The following MDGA2 variants were observed in gnomAD, a reference collection of about 807,000 sequenced individuals.
MDGA2 encodes MAM domain containing glycosylphosphatidylinositol anchor 2, also known as MAM domain-containing glycosylphosphatidylinositol anchor protein 2.
In MDGA2, 40 loss-of-function variants were observed where a neutral mutation model predicts 117.8. The observed-to-expected ratio is 0.34, with a 90% CI of 0.26 to 0.44. The LOEUF (loss-of-function observed/expected upper bound fraction) is 0.44. MDGA2 is among the 20% of genes least tolerant of loss of function. MDGA2 has a pLI of 1.00. For synonymous variants in MDGA2, 452 were observed against 439.0 expected, an observed-to-expected ratio of 1.03 and a Z score of -0.37; for missense variants, 1,123 against 1,250.6, an observed-to-expected ratio of 0.90 and a Z score of 1.54.
intron 6 of MDGA2, among the ~76,000 whole-genome samples, chr14:47,081,214 A>T (rs1240051489): frequency 6.6e-6 from 1 of 152,142 alleles, no homozygotes; most frequent in Non-Finnish European, 1.5e-5. Context: ...TCAATTAAAA[A>T]AAAAGTTGTA....
intron 1 of MDGA2, among the ~76,000 whole-genome samples, chr14:47,482,500 A>C (rs758019185): frequency 1.6e-4 from 25 of 152,106 alleles, no homozygotes; most frequent in African/African-American, 2.9e-4. Flanking sequence ...CTCATTCAGC[A>C]CAGAGAGCAA....
At chr14:47,074,450 G>A (rs1391811295) in intron 6 of MDGA2, among the ~76,000 whole-genome samples, 1 of 151,968 alleles carries the variant, frequency 6.6e-6, no homozygotes, top group Non-Finnish European at 1.5e-5. Context: ...ACAGGCACCC[G>A]CCACCACGCC....
chr14:47,598,668 G>A (rs924271564), intron 1 of MDGA2, among the ~76,000 whole-genome samples: 1 of 152,042 alleles, frequency 6.6e-6, no homozygotes, highest in Non-Finnish European at 1.5e-5. Flanking sequence ...AAGGCTAGGA[G>A]GAAAAAGGGA....
At chr14:47,167,080 G>T (rs1293809545) in intron 3 of MDGA2, among the ~76,000 whole-genome samples, 1 of 152,060 alleles carries the variant, frequency 6.6e-6, no homozygotes, top group Non-Finnish European at 1.5e-5. Context: ...CCACTGGTAT[G>T]TCTAACCTAG....
At chr14:47,091,039 G>T (rs1879622874) in intron 6 of MDGA2, among the ~76,000 whole-genome samples, 1 of 152,068 alleles carries the variant, frequency 6.6e-6, no homozygotes, top group Non-Finnish European at 1.5e-5. Flanking sequence ...CTTTTGGGAT[G>T]GTTTGTTACA....
At chr14:47,322,626 A>C (rs1890014061) in intron 1 of MDGA2, among the ~76,000 whole-genome samples, 3 of 152,186 alleles carry the variant, frequency 2.0e-5, no homozygotes, top group Admixed American at 2.0e-4. Flanking sequence ...CGCAACCTGC[A>C]CGTAAGTAAC....
chr14:47,550,217 T>C (rs918821911), intron 1 of MDGA2, among the ~76,000 whole-genome samples: 6 of 152,186 alleles, frequency 3.9e-5, no homozygotes, highest in African/African-American at 1.2e-4. Flanking sequence ...TATACTCTAG[T>C]AAAGTTAATT....
intron 7 of MDGA2, among the ~76,000 whole-genome samples, chr14:47,040,363 A>T (rs9323125): frequency 0.9 from 137,166 of 152,138 alleles, 61,875 homozygotes; most frequent in East Asian, 1. Flanking sequence ...TTTTTTACTG[A>T]TTAAACAATA....
At chr14:47,591,059 T>A (rs1302359352) in intron 1 of MDGA2, among the ~76,000 whole-genome samples, 1 of 152,052 alleles carries the variant, frequency 6.6e-6, no homozygotes, top group Non-Finnish European at 1.5e-5. Flanking sequence ...ACCTTTAAAC[T>A]GGCAATGAAT....
intron 1 of MDGA2, among the ~76,000 whole-genome samples, chr14:47,423,175 C>A (rs760269269): frequency 6.6e-6 from 1 of 152,024 alleles, no homozygotes; most frequent in African/African-American, 2.4e-5. Flanking sequence ...TAAATTTTAT[C>A]CCCATTGATA....
rs1244174539 is a variant in MDGA2 at position 46,957,389 on chromosome 14, T to C, written c.2074A>G (p.Ser692Gly). Residue 692 changes from serine to glycine, a missense_variant, in exon 9 of 17, where the codon AGC (serine) becomes GGC (glycine). Physicochemically the swap from Ser to Gly is moderately conservative, Grantham distance 56. Around this residue, in one of 2 missense-constraint regions of MDGA2, gnomAD observed 890 missense variants for 1,050.3 expected, o/e 0.85. Transcript: ENST00000399232. Reference sequence around the variant, plus strand: ...GGAATCCTACCTGTAACAAGAAAGCTGCATCTCCCAGCTCCAGCTTCATTT... The same window carrying C: ...GGAATCCTACCTGTAACAAGAAAGCCGCATCTCCCAGCTCCAGCTTCATTT... ...IINEAGAGRC[S>G]FLVTGKAYAP... 6.2e-7 allele frequency: 1 copy of C among 1,613,374 alleles called. No homozygotes were observed. The highest frequency in any genetic ancestry group is 1.1e-5 in the South Asian group (1 of 90,980).
At chr14:47,296,104 T>C (rs1216311041) in intron 2 of MDGA2, among the ~76,000 whole-genome samples, 3 of 152,100 alleles carry the variant, frequency 2.0e-5, no homozygotes, top group Non-Finnish European at 4.4e-5. Flanking sequence ...ATATTGACCA[T>C]CTTGTTTGTA....
chr14:47,131,800 T>C lies in MDGA2; in HGVS notation c.839A>G (p.Tyr280Cys), dbSNP rs1882219058. 3 of 1,597,540 alleles carry C rather than the reference T, an allele frequency of 1.9e-6. No individual in the cohort carries two copies. Among genetic ancestry groups the C allele is most frequent in the Non-Finnish European group, 2.6e-6 (3 of 1,167,864 alleles). ...LKLKNLRPQD[Y>C]ANYSCIASVR... ...TGAAGCAATGCAGCTATAATTAGCATAGTCCTGAGGTCGAAGATTCTTTAG... is the reference window on the plus strand; with the variant it reads ...TGAAGCAATGCAGCTATAATTAGCACAGTCCTGAGGTCGAAGATTCTTTAG... Residue 280 changes from tyrosine to cysteine, a missense_variant, in exon 5 of 17, where the codon TAT (tyrosine) becomes TGT (cysteine). By Grantham distance (194) the Tyr-to-Cys change is radical (BLOSUM62 -2). Transcript: ENST00000399232.
At chr14:46,881,915 CTGGCTAA>C (rs1850223349) in intron 11 of MDGA2, 122 bp downstream of exon 11, 1 of 502,922 alleles carries the variant, frequency 2.0e-6, no homozygotes, top group African/African-American at 2.0e-5. Context: ...GTTTAGTTAA[CTGGCTAA>C]TGATCCAGAA....
chr14:47,294,103 CTTTT>C (rs35698427), intron 2 of MDGA2, among the ~76,000 whole-genome samples: 18 of 99,138 alleles, frequency 1.8e-4, no homozygotes, highest in Non-Finnish European at 3.1e-4. Flanking sequence ...ATATGGCAAT[CTTTT>C]TTTTTTTTTT....
rs569335823 is a variant in MDGA2 at position 46,840,208 on chromosome 14, T to C, written c.*1723A>G. 92 of 152,630 alleles carry C rather than the reference T, an allele frequency of 6.0e-4. No individual in the cohort carries two copies. The highest frequency in any genetic ancestry group is 2.2e-3 in the African/African-American group (90 of 41,576). The allele number at this position is 152,630 out of a possible 1,614,324, so 9.5% of individuals were successfully genotyped here. On this transcript the variant is annotated 3_prime_UTR_variant, in exon 17 of 17. Coordinates refer to ENST00000399232, the MANE Select transcript of MDGA2 (RefSeq NM_001113498.3). ...TGTTTTAAAAAACAAGCTTTGTCAT[T>C]TTCCACTACATTTTGTTGTGCTTTT...
At chr14:46,934,529 C>G (rs1412698807) in intron 9 of MDGA2, among the ~76,000 whole-genome samples, 1 of 152,074 alleles carries the variant, frequency 6.6e-6, no homozygotes, top group Non-Finnish European at 1.5e-5. Flanking sequence ...CTGACACGTA[C>G]TACTGTCCTT....
chr14:47,406,252 A>T (rs1892258607), intron 1 of MDGA2, among the ~76,000 whole-genome samples: 1 of 152,150 alleles, frequency 6.6e-6, no homozygotes, highest in South Asian at 2.1e-4. Flanking sequence ...AATCTATCCC[A>T]GAGAGATAAT....
chr14:47,050,624 C>T lies in MDGA2; in HGVS notation c.1525+10625G>A, dbSNP rs927166939. On this transcript the variant is annotated intron_variant, in intron 7 of 16. Coordinates refer to ENST00000399232, the MANE Select transcript of MDGA2 (RefSeq NM_001113498.3). ...TACTAGTGATGCTGTTAATATAATGCTACTCATGTGTATCCACTCCAGTTG... is the reference window on the plus strand; with the variant it reads ...TACTAGTGATGCTGTTAATATAATGTTACTCATGTGTATCCACTCCAGTTG... Among the ~76,000 whole-genome samples, 99 of 151,914 alleles carry T rather than the reference C, an allele frequency of 6.5e-4. 5 individuals are homozygous for T. The highest frequency in any genetic ancestry group is 2.9e-5 in the Non-Finnish European group (2 of 67,914).
Sources: gnomAD v4.1 joint callset for allele counts (sites outside exome capture counted in the v4.1 genomes callset) on GRCh38, gnomAD v4.1.1 for gene constraint, gnomAD v4.1.1 regional missense constraint, MANE v1.5 for transcripts, NCBI Gene and HGNC (gene_info 2026-07-23, HGNC 2026-07-21) for gene names.